The following DGKH variants were observed in gnomAD, a reference collection of about 807,000 sequenced individuals.
The protein encoded by DGKH is DAG kinase eta.
A neutral mutation model predicts 159.3 loss-of-function variants in DGKH; 90 were observed. The ratio of observed to expected loss-of-function variants is 0.57; its 90% CI spans 0.48 to 0.67. The LOEUF (loss-of-function observed/expected upper bound fraction) is 0.67, where lower values mean the gene tolerates loss of function less well. DGKH is among the 30% of genes least tolerant of loss of function. The pLI is 0.00. For synonymous variants in DGKH, 536 were observed against 553.8 expected, an observed-to-expected ratio of 0.97 and a Z score of 0.45; for missense variants, 1,181 against 1,506.1, an observed-to-expected ratio of 0.78 and a Z score of 3.57.
intron 11 of DGKH, among the ~76,000 whole-genome samples, chr13:42,173,752 G>C (rs1332257365): frequency 6.6e-6 from 1 of 152,176 alleles, no homozygotes; most frequent in Non-Finnish European, 1.5e-5. Flanking sequence ...GAGAAGAAAT[G>C]GGGGCGTTGT....
chr13:42,138,227 A>G (rs1042097424), intron 3 of DGKH: 32 of 527,400 alleles, frequency 6.1e-5, no homozygotes, highest in Non-Finnish European at 7.3e-5. Context: ...GGAATAGGCA[A>G]AGAAGAGTGG....
At chr13:42,190,616 AT>A in intron 16 of DGKH, 91 bp downstream of exon 16, 1 of 1,291,424 alleles carries the variant, frequency 7.7e-7, no homozygotes, top group Non-Finnish European at 1.0e-6. Flanking sequence ...GAAAAAAACT[AT>A]TTGTATTTTT....
intron 20 of DGKH, among the ~76,000 whole-genome samples, chr13:42,202,543 T>G (rs1359087177): frequency 6.6e-6 from 1 of 152,150 alleles, no homozygotes; most frequent in Non-Finnish European, 1.5e-5. Context: ...TATACGAAAT[T>G]GATAAAATAA....
intron 1 of DGKH, among the ~76,000 whole-genome samples, chr13:42,107,985 GA>G (rs1954792930): frequency 6.6e-6 from 1 of 152,166 alleles, no homozygotes; most frequent in Admixed American, 6.5e-5. Flanking sequence ...CCAACCTTTA[GA>G]AAAGTCTTGT....
At chr13:42,128,997 T>C (rs1034697016) in intron 2 of DGKH, among the ~76,000 whole-genome samples, 4 of 152,204 alleles carry the variant, frequency 2.6e-5, no homozygotes, top group African/African-American at 9.7e-5. Flanking sequence ...TTGACTAGGA[T>C]TTCCTACTTG....
intron 10 of DGKH, 26 bp downstream of exon 10, chr13:42,168,574 A>G: frequency 6.2e-7 from 1 of 1,613,292 alleles, no homozygotes; most frequent in Non-Finnish European, 8.5e-7. Flanking sequence ...TTTACTTGCT[A>G]GTTAACATGA....
chr13:42,086,722 T>G (rs1360424477), intron 1 of DGKH, among the ~76,000 whole-genome samples: 1 of 152,150 alleles, frequency 6.6e-6, no homozygotes, highest in Non-Finnish European at 1.5e-5. Context: ...ATGACAGTGA[T>G]CACTTAGAGA....
In DGKH at chr13:42,229,521, T is replaced by C. The variant is rs1958236140; in HGVS notation, c.*333T>C. ...ATGTTTACTTTCCATAGATCTGGTC[T>C]GATGGAATGTTCCTACTGTGCAACT... On this transcript the variant is annotated 3_prime_UTR_variant, in exon 30 of 30. Transcript: ENST00000337343. 1 of 204,116 alleles carries C rather than the reference T, an allele frequency of 4.9e-6. No homozygotes were observed. The highest frequency in any genetic ancestry group is 2.4e-5 in the African/African-American group (1 of 42,192). The allele number at this position is 204,116 out of a possible 1,614,324, so 12.6% of individuals were successfully genotyped here.
At chr13:42,109,754 C>T (rs1954827545) in intron 1 of DGKH, among the ~76,000 whole-genome samples, 1 of 152,054 alleles carries the variant, frequency 6.6e-6, no homozygotes, top group Non-Finnish European at 1.5e-5. Flanking sequence ...TGGTTCCATG[C>T]TAACCATTTC....
At chr13:42,165,995 C>A (rs552116598) in intron 8 of DGKH, among the ~76,000 whole-genome samples, 1 of 152,094 alleles carries the variant, frequency 6.6e-6, no homozygotes, top group Non-Finnish European at 1.5e-5. Flanking sequence ...ATGTAACAGA[C>A]TTGAGCAACT....
chr13:42,216,771 A>G (rs1159368669), intron 26 of DGKH: 1 of 152,214 alleles, frequency 6.6e-6, no homozygotes, highest in African/African-American at 2.4e-5. Flanking sequence ...ACGAAGAAAC[A>G]TTGGTTATCT....
chr13:42,209,406 C>T lies in DGKH; in HGVS notation c.2791C>T (p.Pro931Ser). The change falls in exon 23 of 30, where the codon CCT (proline) becomes TCT (serine). Residue 931 changes from proline to serine, a missense_variant. Physicochemically the swap from Pro to Ser is moderately conservative, Grantham distance 74. This residue lies in a region of DGKH where 335 missense variants were observed against 495.2 expected (regional missense o/e 0.68). Transcript: ENST00000337343. Reference protein sequence around the residue: ...VQVDGEAWVQPPGIIKIVHKN... With the variant: ...VQVDGEAWVQSPGIIKIVHKN... ...AGTGGATGGTGAAGCGTGGGTTCAG[C>T]CTCCAGGGATTATCAAAATTGTGCA... is the stretch of plus-strand genomic sequence containing the variant. The T allele has an allele frequency of 1.2e-6, 2 of 1,613,470 alleles. No individual in the cohort carries two copies. Among genetic ancestry groups the T allele is most frequent in the South Asian group, 2.2e-5 (2 of 91,008 alleles).
At chr13:42,056,869 C>G (rs1486259704) in intron 1 of DGKH, among the ~76,000 whole-genome samples, 4 of 152,148 alleles carry the variant, frequency 2.6e-5, no homozygotes, top group East Asian at 3.9e-4. Context: ...CCTTATTTCC[C>G]CCTTCTTCCT....
chr13:42,082,664 G>A (rs1832347965), intron 1 of DGKH, among the ~76,000 whole-genome samples: 2 of 152,200 alleles, frequency 1.3e-5, no homozygotes, highest in African/African-American at 2.4e-5. Context: ...GTATTTTCAA[G>A]TCACCATTTT....
chr13:42,216,049 TG>T (rs1259239094), intron 26 of DGKH, among the ~76,000 whole-genome samples: 1 of 152,258 alleles, frequency 6.6e-6, no homozygotes, highest in Non-Finnish European at 1.5e-5. Flanking sequence ...ATGACTGGTA[TG>T]GTCCTCCAGG....
chr13:42,244,882 C>T (rs173213), downstream of DGKH, among the ~76,000 whole-genome samples: 12 of 107,866 alleles, frequency 1.1e-4, no homozygotes, highest in Admixed American at 6.1e-4. Context: ...CCAGCCTGGG[C>T]GACAGAGCGA....
At chr13:42,115,944 G>T (rs1287074125) in intron 1 of DGKH, among the ~76,000 whole-genome samples, 1 of 152,206 alleles carries the variant, frequency 6.6e-6, no homozygotes, top group Non-Finnish European at 1.5e-5. Context: ...AGCAAGAGGA[G>T]TGGAAAGGGA....
chr13:42,249,978 T>G (rs942895888), intron 29 of DGKH, among the ~76,000 whole-genome samples: 3 of 142,288 alleles, frequency 2.1e-5, no homozygotes, highest in South Asian at 2.3e-4. Flanking sequence ...TGTTTTTTTG[T>G]TTTTTTTTTT....
intron 3 of DGKH, among the ~76,000 whole-genome samples, chr13:42,135,491 G>GAAAAAAAAAAAAA (rs757279736): frequency 1.4e-3 from 93 of 68,556 alleles, no homozygotes; most frequent in Non-Finnish European, 2.1e-3. Flanking sequence ...CCCTGTCTCA[G>GAAAAAAAAAAAAA]AAAAAAAAAA....
Sources: allele counts gnomAD v4.1 joint callset (sites outside exome capture counted in the v4.1 genomes callset), GRCh38; gene constraint gnomAD v4.1.1; regional missense constraint gnomAD v4.1.1; transcripts MANE v1.5; gene names NCBI Gene and HGNC (gene_info 2026-07-23, HGNC 2026-07-21).